Variants in CACNA2D1 observed in about 807,000 individuals in gnomAD.
CACNA2D1 encodes the protein voltage-dependent calcium channel subunit alpha-2/delta-1.
CACNA2D1 carries 53 observed loss-of-function variants against 171.5 expected under a neutral mutation model. The observed-to-expected ratio is 0.31, with a 90% CI of 0.25 to 0.39. The LOEUF (loss-of-function observed/expected upper bound fraction) is 0.39. Ranked by LOEUF, CACNA2D1 falls within the 10% of genes least tolerant of loss-of-function variation. CACNA2D1 has a pLI of 1.00. For synonymous variants in CACNA2D1, 442 were observed against 443.1 expected (o/e 1.00, Z 0.03); for missense variants, 903 against 1,299.8 (o/e 0.69, Z 4.69).
At chr7:82,290,877 T>G (rs1340491378) in intron 3 of CACNA2D1, among the ~76,000 whole-genome samples, 1 of 151,708 alleles carries the variant, frequency 6.6e-6, no homozygotes, top group Admixed American at 6.6e-5. Context: ...ATTTCAGACG[T>G]GAGCCCCCGC....
intron 10 of CACNA2D1, among the ~76,000 whole-genome samples, chr7:82,047,948 A>C (rs752873772): frequency 6.6e-6 from 1 of 152,122 alleles, no homozygotes; most frequent in Non-Finnish European, 1.5e-5. Flanking sequence ...GAGCTGGGGG[A>C]AGATCTGGGG....
chr7:82,043,957 A>C (rs976713535), intron 10 of CACNA2D1, among the ~76,000 whole-genome samples: 1 of 152,210 alleles, frequency 6.6e-6, no homozygotes, highest in Non-Finnish European at 1.5e-5. Flanking sequence ...TAATGACAAA[A>C]GACATTCTTA....
intron 3 of CACNA2D1, among the ~76,000 whole-genome samples, chr7:82,177,723 A>G (rs181851008): frequency 1.9e-4 from 29 of 152,220 alleles, no homozygotes; most frequent in Admixed American, 1.9e-3. Flanking sequence ...GAGACCATCA[A>G]TCTTTCTTCA....
In CACNA2D1 at chr7:81,958,340, T is replaced by G. The variant is rs1793683804; in HGVS notation, c.3159+935A>C. On this transcript the variant is annotated intron_variant, in intron 38 of 38. Transcript: ENST00000356860. ...CAGCTATGTATTTGAGTAGGTAAAC[T>G]AAATAACTCAAATAATTTATGAGAT... Among the ~76,000 whole-genome samples, 3 of 152,114 alleles carry G rather than the reference T, an allele frequency of 2.0e-5. No homozygotes were observed. In the South Asian group the frequency reaches 6.2e-4, roughly 31 times the overall value.
At chr7:82,280,405 C>T (rs1023639187) in intron 3 of CACNA2D1, among the ~76,000 whole-genome samples, 6 of 152,136 alleles carry the variant, frequency 3.9e-5, no homozygotes, top group African/African-American at 1.4e-4. Context: ...TAAAACAGTT[C>T]TGTGGCATTT....
intron 3 of CACNA2D1, among the ~76,000 whole-genome samples, chr7:82,198,061 C>T (rs1308625904): frequency 6.6e-6 from 1 of 151,940 alleles, no homozygotes; most frequent in Non-Finnish European, 1.5e-5. Context: ...AGCTCATGGT[C>T]CCAGGAGAAT....
chr7:82,195,939 A>T (rs1385808265), intron 3 of CACNA2D1, among the ~76,000 whole-genome samples: 1 of 152,010 alleles, frequency 6.6e-6, no homozygotes, highest in East Asian at 1.9e-4. Context: ...GTCTCCTGGA[A>T]AGCTTTTGCA....
chr7:82,099,285 C>T (rs1812326715), intron 6 of CACNA2D1, among the ~76,000 whole-genome samples: 1 of 152,014 alleles, frequency 6.6e-6, no homozygotes, highest in Admixed American at 6.6e-5. Context: ...TTTTCCCTTC[C>T]ATTCACTATT....
At chr7:81,952,582 G>A (rs765828209) in intron 38 of CACNA2D1, among the ~76,000 whole-genome samples, 12 of 151,978 alleles carry the variant, frequency 7.9e-5, no homozygotes, top group African/African-American at 1.2e-4. Flanking sequence ...CTTGAAATAC[G>A]TTCTCATGTA....
At chr7:81,950,573 G>A in intron 38 of CACNA2D1, 65 bp from the exon 39 acceptor site, 1 of 1,536,190 alleles carries the variant, frequency 6.5e-7, no homozygotes, top group South Asian at 1.2e-5. Flanking sequence ...AAAATATTTA[G>A]TAACACATCT....
At chr7:81,974,384 C>T (rs932470160) in intron 25 of CACNA2D1, 71 bp downstream of exon 25, 4 of 755,148 alleles carry the variant, frequency 5.3e-6, no homozygotes, top group Admixed American at 2.0e-5. Flanking sequence ...ATATGATTAT[C>T]GTATCCTATG....
intron 5 of CACNA2D1, among the ~76,000 whole-genome samples, chr7:82,135,783 G>T (rs2129076731): frequency 6.6e-6 from 1 of 152,062 alleles, no homozygotes; most frequent in East Asian, 1.9e-4. Context: ...TTTTGATTCG[G>T]ATGAGAAATG....
intron 3 of CACNA2D1, among the ~76,000 whole-genome samples, chr7:82,175,053 A>AT (rs1563158075): frequency 6.6e-6 from 1 of 151,980 alleles, no homozygotes; most frequent in Admixed American, 6.6e-5. Flanking sequence ...ATCCACATAT[A>AT]TTTTTCCAAA....
intron 4 of CACNA2D1, among the ~76,000 whole-genome samples, chr7:82,160,694 G>A (rs1370903405): frequency 6.6e-6 from 1 of 151,934 alleles, no homozygotes; most frequent in Non-Finnish European, 1.5e-5. Context: ...GGCTAATCTT[G>A]AAATCCTGGG....
At chr7:82,113,230 AT>A (rs1280224046) in intron 6 of CACNA2D1, among the ~76,000 whole-genome samples, 2 of 152,152 alleles carry the variant, frequency 1.3e-5, no homozygotes, top group Non-Finnish European at 2.9e-5. Flanking sequence ...ACAAATTTCC[AT>A]TTAAAATAAT....
At chr7:82,287,839 CT>C (rs529813781) in intron 3 of CACNA2D1, among the ~76,000 whole-genome samples, 6 of 143,164 alleles carry the variant, frequency 4.2e-5, no homozygotes, top group African/African-American at 8.2e-5. Flanking sequence ...TATCTCCTTA[CT>C]TTTTTTTGTT....
Position 82,443,394 on chromosome 7 carries a change from C to T in CACNA2D1, c.66G>A (p.Ser22=), listed in dbSNP as rs995732237. Residue 22 remains serine (S), a synonymous_variant, in exon 1 of 39, where the codon TCG becomes TCA. Transcript: ENST00000356860. ...CGGCCGAAGGGAACGGCTCCTCCGA[C>T]GAGGGGCCGATGAGCAAAGATTGGA... The part of the protein sequence containing the change: ...TLFQSLLIGP[S]SEEPFPSAVT... The T allele has an allele frequency of 7.5e-6, 12 of 1,604,894 alleles. No homozygotes were observed. The Middle Eastern group carries it at 5.0e-4, about 66-fold the overall frequency.
chr7:82,361,972 T>A (rs775030119), intron 1 of CACNA2D1, among the ~76,000 whole-genome samples: 33 of 152,166 alleles, frequency 2.2e-4, no homozygotes, highest in Non-Finnish European at 4.0e-4. Context: ...GATGTTTATA[T>A]CTTTCATATT....
At chr7:82,349,344 G>A (rs2129445845) in intron 2 of CACNA2D1, among the ~76,000 whole-genome samples, 2 of 152,206 alleles carry the variant, frequency 1.3e-5, no homozygotes, top group South Asian at 4.1e-4. Flanking sequence ...TGAGACCTAC[G>A]TATCAACTGC....
Sources: gnomAD v4.1 joint callset for allele counts (sites outside exome capture counted in the v4.1 genomes callset) on GRCh38, gnomAD v4.1.1 for gene constraint, MANE v1.5 for transcripts, NCBI Gene and HGNC (gene_info 2026-07-23, HGNC 2026-07-21) for gene names.